SCFD2: variants seen among roughly 807,000 people sequenced by gnomAD.
SCFD2 encodes sec1 family domain containing 2.
SCFD2 carries 54 observed loss-of-function variants against 58.9 expected under a neutral mutation model. The observed-to-expected ratio is 0.92, with a 90% confidence interval of 0.74 to 1.15. The LOEUF is 1.15. Ranked by LOEUF, SCFD2 falls within the 50% of genes most tolerant of loss-of-function variation. The pLI is 0.00. For missense variants in SCFD2, 805 were observed against 836.6 expected, an observed-to-expected ratio of 0.96 and a Z score of 0.47; for synonymous variants, 321 against 335.9, an observed-to-expected ratio of 0.96 and a Z score of 0.49.
intron 5 of SCFD2, among the ~76,000 whole-genome samples, chr4:53,028,249 AAAAT>A (rs537563080): frequency 3.9e-5 from 6 of 152,160 alleles, no homozygotes; most frequent in Admixed American, 6.5e-5. Context: ...CCTGTCTCAA[AAAAT>A]AAATAAATAA....
chr4:53,068,249 CCA>C (rs1560321517), intron 5 of SCFD2, among the ~76,000 whole-genome samples: 2 of 152,094 alleles, frequency 1.3e-5, no homozygotes. Flanking sequence ...CTGACCCACT[CCA>C]CAGTTTCTAA....
intron 4 of SCFD2, among the ~76,000 whole-genome samples, chr4:53,188,453 GTGT>G (rs1258525354): frequency 4.0e-5 from 6 of 148,828 alleles, no homozygotes; most frequent in African/African-American, 1.5e-4. Flanking sequence ...GTGTGTGTGT[GTGT>G]GTGTGTGTTT....
intron 4 of SCFD2, among the ~76,000 whole-genome samples, chr4:53,162,335 C>T (rs1327997921): frequency 1.3e-5 from 2 of 152,102 alleles, no homozygotes; most frequent in Non-Finnish European, 2.9e-5. Flanking sequence ...GATACTGCTG[C>T]ACTCCCAAGC....
chr4:53,056,512 A>G, intron 5 of SCFD2, among the ~76,000 whole-genome samples: 1 of 152,222 alleles, frequency 6.6e-6, no homozygotes, highest in Admixed American at 6.5e-5. Context: ...TCCACAACAA[A>G]TTCATTTATA....
intron 4 of SCFD2, among the ~76,000 whole-genome samples, chr4:53,237,694 C>A (rs1729689405): frequency 8.2e-6 from 1 of 122,366 alleles, no homozygotes; most frequent in Non-Finnish European, 1.7e-5. Flanking sequence ...GGCAGAGGGG[C>A]TCCTCACTTC....
Position 53,343,817 on chromosome 4 carries a change from A to G in SCFD2, c.1007+8781T>C, listed in dbSNP as rs1029444285. Among the ~76,000 whole-genome samples the G allele has an allele frequency of 1.8e-4, 27 of 152,208 alleles. 3 individuals are homozygous for G. The highest frequency in any genetic ancestry group is 1.4e-3 in the Admixed American group (22 of 15,276). On this transcript the variant is annotated intron_variant, in intron 2 of 8. Transcript: ENST00000401642. ...GTTCAACATATGCAAATCAATAAAC[A>G]TAATCCAGCATATAAACAGAACCAA...
At chr4:52,891,220 C>T (rs1352956927) in intron 7 of SCFD2, among the ~76,000 whole-genome samples, 4 of 152,064 alleles carry the variant, frequency 2.6e-5, no homozygotes, top group African/African-American at 4.8e-5. Flanking sequence ...TATTTATTGA[C>T]CAACTACTGT....
intron 5 of SCFD2, among the ~76,000 whole-genome samples, chr4:53,126,546 C>T (rs1355226145): frequency 6.6e-6 from 1 of 152,190 alleles, no homozygotes; most frequent in Non-Finnish European, 1.5e-5. Context: ...CAACTCCTGG[C>T]TTTAAGTGAT....
chr4:52,916,637 T>G (rs1719615401), intron 6 of SCFD2, among the ~76,000 whole-genome samples: 2 of 152,134 alleles, frequency 1.3e-5, no homozygotes, highest in South Asian at 4.1e-4. Flanking sequence ...GGGCTTAGGT[T>G]TCCAGTCAAC....
chr4:52,910,580 T>A (rs193099542), intron 6 of SCFD2, among the ~76,000 whole-genome samples: 156 of 152,336 alleles, frequency 1.0e-3, no homozygotes, highest in African/African-American at 3.6e-3. Context: ...TTATTTATTT[T>A]ATTAGTCTAT....
chr4:53,152,226 CT>C (rs33938073), intron 4 of SCFD2, among the ~76,000 whole-genome samples: 28,155 of 151,988 alleles, frequency 0.19, 3,492 homozygotes, highest in African/African-American at 0.34. Context: ...TATACCAAAG[CT>C]TGAGACTTCA....
chr4:53,034,991 A>T (rs1229309705), intron 5 of SCFD2, among the ~76,000 whole-genome samples: 1 of 152,204 alleles, frequency 6.6e-6, no homozygotes, highest in Non-Finnish European at 1.5e-5. Context: ...CTTCATATGG[A>T]ACCAAAAAAG....
At chr4:53,358,811 T>C (rs189372236) in intron 1 of SCFD2, among the ~76,000 whole-genome samples, 1 of 152,304 alleles carries the variant, frequency 6.6e-6, no homozygotes, top group Admixed American at 6.5e-5. Context: ...GCCCACAGAA[T>C]GCTGACTTAA....
intron 4 of SCFD2, among the ~76,000 whole-genome samples, chr4:53,229,809 GA>G (rs1180300118): frequency 9.9e-5 from 15 of 152,166 alleles, no homozygotes; most frequent in Non-Finnish European, 1.9e-4. Flanking sequence ...CGCAGCAAAA[GA>G]AACTACCATC....
intron 4 of SCFD2, among the ~76,000 whole-genome samples, chr4:53,154,373 G>A (rs924833027): frequency 6.6e-6 from 1 of 152,106 alleles, no homozygotes; most frequent in African/African-American, 2.4e-5. Flanking sequence ...ATGGAGGTCG[G>A]GGGAGCAGGT....
chr4:53,209,029 G>A (rs1728522480), intron 4 of SCFD2, among the ~76,000 whole-genome samples: 1 of 152,056 alleles, frequency 6.6e-6, no homozygotes, highest in Non-Finnish European at 1.5e-5. Context: ...AACCCTCTCA[G>A]TTTGCCTGAG....
At chr4:53,105,464 G>A (rs1724965525) in intron 5 of SCFD2, among the ~76,000 whole-genome samples, 1 of 152,198 alleles carries the variant, frequency 6.6e-6, no homozygotes, top group South Asian at 2.1e-4. Context: ...CAGCACAGCA[G>A]TCTGAAGTCC....
At chr4:52,980,818 C>T (rs1421242692) in intron 5 of SCFD2, among the ~76,000 whole-genome samples, 1 of 152,146 alleles carries the variant, frequency 6.6e-6, no homozygotes, top group African/African-American at 2.4e-5. Flanking sequence ...CCCCAAAGCA[C>T]ACAGCGCCTT....
intron 5 of SCFD2, among the ~76,000 whole-genome samples, chr4:53,026,366 A>G (rs1414628149): frequency 1.3e-5 from 2 of 152,178 alleles, no homozygotes; most frequent in Admixed American, 1.3e-4. Flanking sequence ...TGTGCTTCCG[A>G]CGCCTAGCAC....
Sources: gnomAD v4.1 joint callset for allele counts (sites outside exome capture counted in the v4.1 genomes callset) on GRCh38, gnomAD v4.1.1 for gene constraint, MANE v1.5 for transcripts, NCBI Gene and HGNC (gene_info 2026-07-23, HGNC 2026-07-21) for gene names.